UBR4: variants seen among roughly 807,000 people sequenced by gnomAD.
UBR4 encodes ubiquitin protein ligase E3 component n-recognin 4, also known as E3 ubiquitin-protein ligase UBR4.
UBR4 carries 124 observed loss-of-function variants against 575.6 expected under a neutral mutation model. The ratio of observed to expected loss-of-function variants is 0.22; its 90% CI spans 0.19 to 0.25. The LOEUF (loss-of-function observed/expected upper bound fraction) is 0.25, where lower values mean the gene tolerates loss of function less well. UBR4 is among the 10% of genes least tolerant of loss of function. The pLI, the probability that UBR4 is intolerant of heterozygous loss-of-function variation, is 1.00. For missense variants in UBR4, 4,818 were observed against 6,478.8 expected, an observed-to-expected ratio of 0.74 and a Z score of 8.80; for synonymous variants, 2,455 against 2,473.7, an observed-to-expected ratio of 0.99 and a Z score of 0.22.
In UBR4 at chr1:19,152,212, TATA is replaced by T; in HGVS notation, c.6996+98_6996+100del. The stretch of plus-strand genomic sequence containing the variant: ...TAGAACCGAGGGTTGTGACTGTGAG[TATA>T]TACTCTATACTTGCTTTCTAAAAGG... On this transcript the variant is annotated intron_variant, in intron 47 of 105. Transcript: ENST00000375254. This position sits in a 1 kb window ranked among gnomAD's most constrained non-coding sequence, Gnocchi z 4.4. 1 of 1,479,244 alleles carries T rather than the reference TATA, an allele frequency of 6.8e-7. No individual in the cohort carries two copies. Among genetic ancestry groups the T allele is most frequent in the Non-Finnish European group, 9.2e-7 (1 of 1,081,962 alleles). 91.6% of individuals were successfully genotyped at this position (1,479,244 alleles called of 1,614,324 possible). A position where few individuals can be genotyped will look rare whatever the true frequency, so the allele number is the denominator to read the frequency against.
At chr1:19,149,216 T>C (rs529142987) in intron 49 of UBR4, among the ~76,000 whole-genome samples, 132 of 152,284 alleles carry the variant, frequency 8.7e-4, no homozygotes, top group South Asian at 1.0e-3. Context: ...CTATTACTAT[T>C]AAAGGTACCA....
chr1:19,121,685 T>C (rs2081194707), intron 67 of UBR4, among the ~76,000 whole-genome samples: 1 of 152,194 alleles, frequency 6.6e-6, no homozygotes. Flanking sequence ...TACTCCTCTT[T>C]GACTTTACTG....
At chr1:19,085,231 T>A (rs2076895615) in intron 101 of UBR4, among the ~76,000 whole-genome samples, 1 of 152,232 alleles carries the variant, frequency 6.6e-6, no homozygotes, top group Non-Finnish European at 1.5e-5. Flanking sequence ...TATACAAGAA[T>A]ACATGCCTGG....
intron 100 of UBR4, among the ~76,000 whole-genome samples, 192 bp downstream of exon 100, chr1:19,086,487 C>T (rs949823463): frequency 1.3e-5 from 2 of 152,226 alleles, no homozygotes; most frequent in Non-Finnish European, 2.9e-5. Flanking sequence ...TCTCACTAGC[C>T]TTGGGCCCAG....
rs1205389345 is a variant in UBR4, at chr1:19,139,715, ACTT to A, written c.8594-498_8594-496del. Among the ~76,000 whole-genome samples, 27 of 152,360 alleles carry A rather than the reference ACTT, an allele frequency of 1.8e-4. No homozygotes were observed. Among genetic ancestry groups the A allele is most frequent in the African/African-American group, 6.5e-4 (27 of 41,598 alleles). ...CAAGTTTTGCTTATGTTAGGAAATC[ACTT>A]AGCATGAGCTCTTGAATCAACCCTG... On this transcript the variant is annotated intron_variant, in intron 58 of 105. Coordinates refer to ENST00000375254, the MANE Select transcript of UBR4 (RefSeq NM_020765.3). The surrounding 1 kb of genome is among the most constrained non-coding windows in gnomAD (Gnocchi z 4.2).
Position 19,117,943 on chromosome 1 carries a change from T to C in UBR4, c.10542-33A>G. On this transcript the variant is annotated intron_variant, in intron 71 of 105. Coordinates refer to ENST00000375254, the MANE Select transcript of UBR4 (RefSeq NM_020765.3). This position sits in a 1 kb window ranked among gnomAD's most constrained non-coding sequence, Gnocchi z 4.0. ...AGAAACCAGTCTTAGCATGAACACA[T>C]TTTCATCTTAGGAAGCACTGAGTTT... 6.3e-7 allele frequency: 1 copy of C among 1,598,026 alleles called. No homozygotes were observed. Among genetic ancestry groups the C allele is most frequent in the South Asian group, 1.1e-5 (1 of 90,676 alleles).
Position 19,127,670 on chromosome 1 carries a change from C to T in UBR4, c.9181G>A (p.Val3061Ile). Reference sequence around the variant, plus strand: ...CCAGATTTGGTGCGGGACATGAAGACACTCAGGAGTCTCATTACTACCAGA... The same window carrying T: ...CCAGATTTGGTGCGGGACATGAAGATACTCAGGAGTCTCATTACTACCAGA... ...VHLVVMRLLS[V>I]FMSRTKSGSK... is the part of the protein sequence containing the mutation. Residue 3061 changes from valine to isoleucine, a missense_variant, in exon 63 of 106, where the codon GTC becomes ATC. Physicochemically the swap from Val to Ile is conservative, Grantham distance 29. Around this residue, in one of 29 missense-constraint regions of UBR4, gnomAD observed 550 missense variants for 791.5 expected, o/e 0.69. Coordinates refer to ENST00000375254, the MANE Select transcript of UBR4 (RefSeq NM_020765.3). 1.2e-6 allele frequency: 2 copies of T among 1,614,158 alleles called. No homozygotes were observed. Among genetic ancestry groups the T allele is most frequent in the African/African-American group, 1.3e-5 (1 of 75,038 alleles).
chr1:19,206,493 C>T (rs2093021583), intron 1 of UBR4, among the ~76,000 whole-genome samples: 1 of 152,104 alleles, frequency 6.6e-6, no homozygotes, highest in Non-Finnish European at 1.5e-5. Context: ...CGCCACCACG[C>T]CCAGCTAATT....
At chr1:19,192,787 CTTTTTT>C (rs879402823) in intron 9 of UBR4, among the ~76,000 whole-genome samples, 1 of 146,266 alleles carries the variant, frequency 6.8e-6, no homozygotes, top group Non-Finnish European at 1.5e-5. Context: ...CATCAGATCA[CTTTTTT>C]TTTTTTAAGA....
At chr1:19,115,361 T>C in intron 74 of UBR4, 37 bp downstream of exon 74, 1 of 1,602,844 alleles carries the variant, frequency 6.2e-7, no homozygotes, top group Non-Finnish European at 8.5e-7. Context: ...ACAAGGAATG[T>C]GCACAGCCCT....
At chr1:19,163,950 A>G in intron 33 of UBR4, 123 bp from the exon 34 acceptor site, 1 of 1,068,730 alleles carries the variant, frequency 9.4e-7, no homozygotes, top group South Asian at 1.3e-5. Context: ...AAGCATTCTT[A>G]GAAAACTCCA....
At position 19,164,271 on chromosome 1, in the gene UBR4, A is replaced by G; in HGVS notation, c.4682T>C (p.Val1561Ala). The change falls in exon 33 of 106, where the codon GTG becomes GCG. Residue 1561 changes from valine (V) to alanine (A), a missense_variant. Coordinates refer to ENST00000375254, the MANE Select transcript of UBR4 (RefSeq NM_020765.3). The part of the protein sequence containing the change: ...AGHLQLHNAA[V>A]DWLSRCKKYL... ...ATCTTACCATCTGCTCAGCCAATCC[A>G]CAGCAGCATTATGAAGCTGAAGGTG... 6.2e-7 allele frequency: 1 copy of G among 1,613,688 alleles called. No homozygotes were observed. Among genetic ancestry groups the G allele is most frequent in the Non-Finnish European group, 8.5e-7 (1 of 1,179,642 alleles).
Position 19,146,893 on chromosome 1 carries a change from G to A in UBR4, c.7737C>T (p.Ser2579=), listed in dbSNP as rs145258738. 3.7e-6 allele frequency: 6 copies of A among 1,614,190 alleles called. No individual in the cohort carries two copies. The highest frequency in any genetic ancestry group is 4.2e-6 in the Non-Finnish European group (5 of 1,180,010). The change falls in exon 52 of 106, where the codon TCC becomes TCT. Residue 2579 remains serine (S), a synonymous_variant. Coordinates refer to ENST00000375254, the MANE Select transcript of UBR4 (RefSeq NM_020765.3). ...VFQRLVITAR[S]IAIMRPNNLV... is the part of the protein sequence containing the mutation. ...GGTTGTTGGGGCGCATGATGGCAAT[G>A]GAGCGAGCTGTGATCACTAGCCTCT...
At chr1:19,206,407 CT>C (rs1336357650) in intron 1 of UBR4, among the ~76,000 whole-genome samples, 1 of 151,890 alleles carries the variant, frequency 6.6e-6, no homozygotes, top group African/African-American at 2.4e-5. Context: ...CTCACTGCAA[CT>C]TTCGCCTCCC....
chr1:19,119,772 C>T, intron 69 of UBR4, 71 bp from the exon 70 acceptor site: 13 of 1,529,158 alleles, frequency 8.5e-6, no homozygotes, highest in Non-Finnish European at 1.2e-5. Context: ...ATCATTGAGG[C>T]TCTGGTACCT....
Position 19,165,749 on chromosome 1 carries a change from T to C in UBR4, c.4118A>G (p.Asp1373Gly). Residue 1373 changes from aspartate (D) to glycine (G), a missense_variant, in exon 30 of 106, where the codon GAT (aspartate) becomes GGT (glycine). By Grantham distance (94) the Asp-to-Gly change is moderately conservative. Around this residue, in one of 29 missense-constraint regions of UBR4, gnomAD observed 1,172 missense variants for 1,259.7 expected, o/e 0.93. Coordinates refer to ENST00000375254, the MANE Select transcript of UBR4 (RefSeq NM_020765.3). Reference protein sequence around the residue: ...ANHADPNSGLDESILEECLQY... With the variant: ...ANHADPNSGLGESILEECLQY... The stretch of plus-strand genomic sequence containing the variant: ...GAGACATTCCTCCAGGATGGATTCA[T>C]CCAGTCCACTGAGGATCAAACGGAA... 1 of 1,613,800 alleles carries C rather than the reference T, an allele frequency of 6.2e-7. No individual in the cohort carries two copies. The highest frequency in any genetic ancestry group is 1.1e-5 in the South Asian group (1 of 91,022).
At position 19,156,629 on chromosome 1, in the gene UBR4, A is replaced by C. The variant is rs1384704530; in HGVS notation, c.5919+138T>G. 4 of 1,377,884 alleles carry C rather than the reference A, an allele frequency of 2.9e-6. No homozygotes were observed. The African/African-American group carries it at 4.4e-5, about 15-fold the overall frequency. The allele number at this position is 1,377,884 out of a possible 1,614,324, so 85.4% of individuals were successfully genotyped here. A position where few individuals can be genotyped will look rare whatever the true frequency, so the allele number is the denominator to read the frequency against. ...TGAAAGATCTGGGAGAAATTCAAAGAAAAATTCCTTTTGCATTTCAGTAGG... is the reference window on the plus strand; with the variant it reads ...TGAAAGATCTGGGAGAAATTCAAAGCAAAATTCCTTTTGCATTTCAGTAGG... On this transcript the variant is annotated intron_variant, in intron 41 of 105. Coordinates refer to ENST00000375254, the MANE Select transcript of UBR4 (RefSeq NM_020765.3).
Position 19,074,830 on chromosome 1 carries a change from G to C in UBR4, c.*2C>G. 1 of 1,614,056 alleles carries C rather than the reference G, an allele frequency of 6.2e-7. No individual in the cohort carries two copies. The highest frequency in any genetic ancestry group is 8.5e-7 in the Non-Finnish European group (1 of 1,179,996). On this transcript the variant is annotated 3_prime_UTR_variant, in exon 106 of 106. Transcript: ENST00000375254. Reference sequence around the variant, plus strand: ...TTCGCCGCCGCAGCTGCTGTGTGGTGGTCAGGGGACTGAGTTCAACAGGTC... The same window carrying C: ...TTCGCCGCCGCAGCTGCTGTGTGGTCGTCAGGGGACTGAGTTCAACAGGTC...
At chr1:19,166,987 T>A (rs1429113767) in intron 29 of UBR4, 35 bp downstream of exon 29, 16 of 1,609,900 alleles carry the variant, frequency 9.9e-6, no homozygotes, top group Non-Finnish European at 1.4e-5. Flanking sequence ...CAGCAGTAGG[T>A]CATAGGAAAC....
Sources: gnomAD v4.1 joint callset for allele counts (sites outside exome capture counted in the v4.1 genomes callset) on GRCh38, gnomAD v4.1.1 for gene constraint, gnomAD v4.1.1 regional missense constraint, Gnocchi (gnomAD v3.1) non-coding constraint, MANE v1.5 for transcripts, NCBI Gene and HGNC (gene_info 2026-07-23, HGNC 2026-07-21) for gene names.